NPIPB15: variants seen among roughly 807,000 people sequenced by gnomAD.
NPIPB15 encodes the protein nuclear pore complex interacting protein family member B15.
A neutral mutation model predicts 35.9 loss-of-function variants in NPIPB15; 5 were observed. The ratio of observed to expected loss-of-function variants is 0.14; its 90% CI spans 0.07 to 0.29. The LOEUF is 0.29. NPIPB15 is among the 10% of genes least tolerant of loss of function. The pLI, the probability that NPIPB15 is intolerant of heterozygous loss-of-function variation, is 1.00. For synonymous variants in NPIPB15, 43 were observed against 182.0 expected (o/e 0.24, Z 6.15); for missense variants, 100 against 506.1 (o/e 0.20, Z 7.70).
In NPIPB15 at chr16:74,376,494, T is replaced by C. The variant is rs2011671184; in HGVS notation, c.-875T>C. ...ATGATGCTGCCAAGCCCTCTGGGTA[T>C]TGTGGGCAAATACCTTAGGAGAGAA... On this transcript the variant is annotated 5_prime_UTR_variant, in exon 1 of 8. Coordinates refer to ENST00000692376, the MANE Select transcript of NPIPB15 (RefSeq NM_001306094.2). 1.3e-5 allele frequency among the ~76,000 whole-genome samples: 2 copies of C among 149,666 alleles called. No individual in the cohort carries two copies. The highest frequency in any genetic ancestry group is 4.9e-5 in the African/African-American group (2 of 40,820).
At position 74,381,580 on chromosome 16, in the gene NPIPB15, AC is replaced by A. The variant is rs1180196728; in HGVS notation, c.134del (p.Pro45LeufsTer16). 2.6e-6 allele frequency: 4 copies of A among 1,567,094 alleles called. No individual in the cohort carries two copies. The highest frequency in any genetic ancestry group is 3.4e-6 in the Non-Finnish European group (4 of 1,160,280). On this transcript the variant is annotated frameshift_variant, in exon 3 of 8. Transcript: ENST00000692376. LOFTEE classifies it high-confidence loss of function. ...GACTTTGGTGTAGGAGTTCGAGACC[AC>A]CCTGGCCAACATGGCAAAACCCCAT... ...ETDFGVGVRDHPGQHGKTPSP... is the reference protein window; with the variant it reads ...ETDFGVGVRDXPGQHGKTPSP...
At chr16:74,387,390 GTTTCCTTCTTCTCCATCT>G (rs1379079519) in intron 5 of NPIPB15, among the ~76,000 whole-genome samples, 3 of 149,254 alleles carry the variant, frequency 2.0e-5, no homozygotes, top group Non-Finnish European at 4.4e-5. Flanking sequence ...TTCGTCCTGG[GTTTCCTTCTTCTCCATCT>G]TCACCTCATG....
At chr16:74,378,423 C>CTTTTT (rs1002146100) in intron 2 of NPIPB15, among the ~76,000 whole-genome samples, 52 of 86,112 alleles carry the variant, frequency 6.0e-4, no homozygotes, top group Admixed American at 7.9e-4. Context: ...GGTTTGATGC[C>CTTTTT]TTTTTTTTTT....
At chr16:74,390,395 T>C (rs1285445169) in intron 7 of NPIPB15, 70 of 174,286 alleles carry the variant, frequency 4.0e-4, no homozygotes, top group Non-Finnish European at 4.9e-4. Flanking sequence ...CTCTGTACCT[T>C]CAAAAGCTGC....
At position 74,376,408 on chromosome 16, in the gene NPIPB15, T is replaced by C. The variant is rs1245822333; in HGVS notation, c.-961T>C. Reference sequence around the variant, plus strand: ...GGAAAGGTGATGGACAGTGGGGGTCTGTCCTGGTCACCAGACCCCTGGGTC... The same window carrying C: ...GGAAAGGTGATGGACAGTGGGGGTCCGTCCTGGTCACCAGACCCCTGGGTC... On this transcript the variant is annotated 5_prime_UTR_variant, in exon 1 of 8. Coordinates refer to ENST00000692376, the MANE Select transcript of NPIPB15 (RefSeq NM_001306094.2). Among the ~76,000 whole-genome samples the C allele has an allele frequency of 6.6e-6, 1 of 151,440 alleles. No individual in the cohort carries two copies. The highest frequency in any genetic ancestry group is 2.0e-4 in the East Asian group (1 of 5,120).
intron 7 of NPIPB15, chr16:74,390,971 G>A (rs1035703657): frequency 2.0e-6 from 1 of 492,252 alleles, no homozygotes; most frequent in African/African-American, 2.2e-5. Flanking sequence ...GGCTTTTCAT[G>A]CCTCTCTTAC....
chr16:74,386,674 G>GTCTAGAACTCTGGACA (rs2012300274), intron 5 of NPIPB15, among the ~76,000 whole-genome samples: 2 of 151,878 alleles, frequency 1.3e-5, no homozygotes, highest in African/African-American at 4.8e-5. Context: ...GGCCAAGCTG[G>GTCTAGAACTCTGGACA]TCTAGAACTC....
intron 2 of NPIPB15, among the ~76,000 whole-genome samples, chr16:74,379,582 G>A (rs1315285167): frequency 5.0e-5 from 7 of 140,774 alleles, no homozygotes; most frequent in Admixed American, 2.3e-4. Context: ...CTCCACCTTG[G>A]TAATTTTTTT....
chr16:74,384,994 TGTGTGTGTGTGTG>T (rs879256931), intron 3 of NPIPB15, among the ~76,000 whole-genome samples: 3,873 of 21,682 alleles, frequency 0.18, 4 homozygotes, highest in South Asian at 0.2. Context: ...GTCATTCTTG[TGTGTGTGTGTGTG>T]TGTGTGTGTG....
intron 3 of NPIPB15, among the ~76,000 whole-genome samples, chr16:74,382,905 G>A (rs1028996134): frequency 3.8e-5 from 5 of 133,032 alleles, no homozygotes; most frequent in Non-Finnish European, 6.3e-5. Context: ...ATTGGAGGAA[G>A]CTTTTTTTTT....
chr16:74,379,014 G>A (rs1435172683), intron 2 of NPIPB15, among the ~76,000 whole-genome samples: 24 of 152,116 alleles, frequency 1.6e-4, no homozygotes, highest in African/African-American at 5.6e-4. Context: ...TGGTCAGGCT[G>A]GTTTTGAACT....
chr16:74,383,676 G>A (rs2012108117), intron 3 of NPIPB15, among the ~76,000 whole-genome samples: 1 of 148,978 alleles, frequency 6.7e-6, no homozygotes, highest in Non-Finnish European at 1.5e-5. Context: ...AGCACTTTGG[G>A]AGGCTGAGGC....
chr16:74,387,440 T>A (rs4087822), intron 5 of NPIPB15, among the ~76,000 whole-genome samples: 38 of 149,448 alleles, frequency 2.5e-4, no homozygotes, highest in Middle Eastern at 3.5e-3. Context: ...CCATGTTAGC[T>A]ATTTGATGTA....
At chr16:74,381,361 T>A in intron 2 of NPIPB15, 155 bp from the exon 3 acceptor site, 1 of 878,368 alleles carries the variant, frequency 1.1e-6, no homozygotes. Flanking sequence ...ACTTCTAACT[T>A]CTGTTCTTTT....
At chr16:74,389,408 T>C (rs964405149) in intron 5 of NPIPB15, among the ~76,000 whole-genome samples, 4 of 150,222 alleles carry the variant, frequency 2.7e-5, no homozygotes, top group African/African-American at 9.8e-5. Flanking sequence ...AGTCTCACTG[T>C]GTCACCCAGG....
intron 2 of NPIPB15, among the ~76,000 whole-genome samples, chr16:74,378,641 T>G (rs145471650): frequency 4.0e-5 from 6 of 148,990 alleles, no homozygotes; most frequent in African/African-American, 9.9e-5. Context: ...CTCCATCTCT[T>G]GACCTCGTGA....
At chr16:74,378,331 TGA>T in intron 2 of NPIPB15, among the ~76,000 whole-genome samples, 1 of 131,922 alleles carries the variant, frequency 7.6e-6, no homozygotes, top group East Asian at 2.2e-4. Context: ...TGCAGTGAGC[TGA>T]GATGGCCCCG....
At chr16:74,385,965 TAG>T in intron 5 of NPIPB15, among the ~76,000 whole-genome samples, 1 of 130,448 alleles carries the variant, frequency 7.7e-6, no homozygotes, top group Non-Finnish European at 1.6e-5. Flanking sequence ...GAGGAGTTGC[TAG>T]TACTGGCATT....
chr16:74,378,233 A>T (rs1217547887), intron 2 of NPIPB15, among the ~76,000 whole-genome samples, 194 bp downstream of exon 2: 1 of 151,548 alleles, frequency 6.6e-6, no homozygotes, highest in Non-Finnish European at 1.5e-5. Flanking sequence ...TCCAAAAAAG[A>T]TTAGTCGGGC....
Sources: allele counts gnomAD v4.1 joint callset (sites outside exome capture counted in the v4.1 genomes callset), GRCh38; gene constraint gnomAD v4.1.1; transcripts MANE v1.5; gene names NCBI Gene and HGNC (gene_info 2026-07-23, HGNC 2026-07-21).